The following CHRM3 variants were observed in gnomAD, a reference collection of about 807,000 sequenced individuals.
CHRM3 encodes the protein cholinergic receptor muscarinic 3.
CHRM3 carries 11 observed loss-of-function variants against 41.8 expected under a neutral mutation model. The observed-to-expected ratio is 0.26, with a 90% CI of 0.17 to 0.44. The LOEUF is 0.44. Ranked by LOEUF, CHRM3 falls within the 20% of genes least tolerant of loss-of-function variation. CHRM3 has a pLI of 1.00. For synonymous variants in CHRM3, 297 were observed against 301.4 expected (o/e 0.99, Z 0.15); for missense variants, 571 against 745.4 (o/e 0.77, Z 2.72).
intron 5 of CHRM3, among the ~76,000 whole-genome samples, chr1:239,779,629 G>C (rs1234402682): frequency 6.6e-6 from 1 of 152,312 alleles, no homozygotes. Context: ...CAGCTACTTG[G>C]GTGGCTGAGC....
intron 3 of CHRM3, among the ~76,000 whole-genome samples, chr1:239,548,099 C>G (rs76975348): frequency 6.6e-6 from 1 of 152,078 alleles, no homozygotes; most frequent in Non-Finnish European, 1.5e-5. Context: ...CTATATCAGA[C>G]GTACGCTTGT....
At chr1:239,785,348 G>A (rs1212006564) in intron 5 of CHRM3, among the ~76,000 whole-genome samples, 1 of 152,218 alleles carries the variant, frequency 6.6e-6, no homozygotes, top group Non-Finnish European at 1.5e-5. Flanking sequence ...ACCCGGTTAT[G>A]TGACTTCTTG....
At chr1:239,434,617 G>A (rs1200991363) in intron 1 of CHRM3, among the ~76,000 whole-genome samples, 4 of 152,172 alleles carry the variant, frequency 2.6e-5, no homozygotes, top group Non-Finnish European at 4.4e-5. Context: ...GGCATATTCA[G>A]TTCAAGTCAA....
intron 3 of CHRM3, among the ~76,000 whole-genome samples, chr1:239,604,626 T>G (rs896465320): frequency 1.3e-5 from 2 of 152,202 alleles, no homozygotes; most frequent in Non-Finnish European, 2.9e-5. Context: ...AGACCCTGGA[T>G]CTCTAGAGGC....
intron 2 of CHRM3, among the ~76,000 whole-genome samples, chr1:239,498,921 G>T (rs904780674): frequency 6.6e-6 from 1 of 152,080 alleles, no homozygotes; most frequent in African/African-American, 2.4e-5. Flanking sequence ...TATTTAGCAT[G>T]CTTCCTTTTT....
chr1:239,603,843 A>T (rs568153179), intron 3 of CHRM3, among the ~76,000 whole-genome samples: 1 of 152,216 alleles, frequency 6.6e-6, no homozygotes, highest in African/African-American at 2.4e-5. Context: ...TGTGGTAAAG[A>T]TTATTACTAT....
intron 3 of CHRM3, among the ~76,000 whole-genome samples, chr1:239,587,008 C>T (rs775270712): frequency 9.9e-5 from 15 of 152,208 alleles, no homozygotes; most frequent in African/African-American, 2.2e-4. Flanking sequence ...CTCCTACTAA[C>T]TCCTCAAGCC....
intron 5 of CHRM3, chr1:239,707,572 ACTT>A (rs1475680115): frequency 2.6e-5 from 4 of 152,168 alleles, no homozygotes; most frequent in African/African-American, 9.7e-5. Flanking sequence ...ACAATTCTAA[ACTT>A]CTTATGAAGA....
intron 4 of CHRM3, among the ~76,000 whole-genome samples, chr1:239,648,978 A>G (rs1671999832): frequency 6.6e-6 from 1 of 152,194 alleles, no homozygotes; most frequent in Non-Finnish European, 1.5e-5. Context: ...GTATACATAC[A>G]CACCCATCTA....
chr1:239,773,314 T>C (rs561240718), intron 5 of CHRM3, among the ~76,000 whole-genome samples: 3 of 152,350 alleles, frequency 2.0e-5, no homozygotes, highest in African/African-American at 7.2e-5. Context: ...AAGTTGACTT[T>C]ATAGCTATAT....
At chr1:239,417,693 A>C (rs185953924) in intron 1 of CHRM3, among the ~76,000 whole-genome samples, 71 of 151,592 alleles carry the variant, frequency 4.7e-4, no homozygotes, top group Middle Eastern at 6.8e-3. Flanking sequence ...ATCTCTTTCA[A>C]GTATTCTTAA....
In CHRM3 at chr1:239,679,360, C is replaced by T. The variant is rs561637443; in HGVS notation, c.-147+1072C>T. Reference sequence around the variant, plus strand: ...AAGTTTGGGAAATTGGGAAGTAGCACAGAGGATAATTAATCAGGTGTGAGC... The same window carrying T: ...AAGTTTGGGAAATTGGGAAGTAGCATAGAGGATAATTAATCAGGTGTGAGC... On this transcript the variant is annotated intron_variant, in intron 5 of 6. Coordinates refer to ENST00000676153, the MANE Select transcript of CHRM3 (RefSeq NM_001375978.1). 2.6e-5 allele frequency among the ~76,000 whole-genome samples: 4 copies of T among 152,206 alleles called. No individual in the cohort carries two copies. The South Asian group carries it at 6.2e-4, about 24-fold the overall frequency.
chr1:239,723,323 T>C (rs1270291685), intron 5 of CHRM3, among the ~76,000 whole-genome samples: 1 of 151,982 alleles, frequency 6.6e-6, no homozygotes, highest in Non-Finnish European at 1.5e-5. Context: ...TTCTAAAGTA[T>C]AATTAATTAT....
chr1:239,606,842 C>T (rs1053749606), intron 3 of CHRM3, among the ~76,000 whole-genome samples: 7 of 152,132 alleles, frequency 4.6e-5, no homozygotes, highest in African/African-American at 1.7e-4. Flanking sequence ...ATGGTCTCTT[C>T]TGTGCACCCA....
chr1:239,834,148 T>TCTCACACACACA (rs1553278786), intron 6 of CHRM3, among the ~76,000 whole-genome samples: 2 of 135,232 alleles, frequency 1.5e-5, no homozygotes, highest in Non-Finnish European at 1.6e-5. Flanking sequence ...TAATTCCACA[T>TCTCACACACACA]CACACACACA....
rs187461830 is a variant in CHRM3, at chr1:239,447,637, G to A, written c.-520-45072G>A. Among the ~76,000 whole-genome samples, 557 of 152,244 alleles carry A rather than the reference G, an allele frequency of 3.7e-3. 6 individuals carry two copies. The highest frequency in any genetic ancestry group is 0.013 in the African/African-American group (524 of 41,540). ...AAAAATACAAAAAACTTAGCCGGGC[G>A]TGGTGGCACATGCCTGTAATCCCAG... On this transcript the variant is annotated intron_variant, in intron 1 of 6. Transcript: ENST00000676153.
intron 1 of CHRM3, among the ~76,000 whole-genome samples, chr1:239,413,453 C>A (rs1661266893): frequency 6.6e-6 from 1 of 152,084 alleles, no homozygotes; most frequent in Non-Finnish European, 1.5e-5. Flanking sequence ...TTCCACCCGG[C>A]TAATTTTGTA....
At position 239,911,334 on chromosome 1, in the gene CHRM3, C is replaced by T. The variant is rs1295466585; in HGVS notation, c.*2110C>T. On this transcript the variant is annotated 3_prime_UTR_variant, in exon 7 of 7. Coordinates refer to ENST00000676153, the MANE Select transcript of CHRM3 (RefSeq NM_001375978.1). ...AACCAAAGAACAAGAAAGAAACAGA[C>T]GATTTTCTAATATGTACACAGCAAA... The T allele has an allele frequency of 6.0e-6, 1 of 166,340 alleles. No homozygotes were observed. Among genetic ancestry groups the T allele is most frequent in the Non-Finnish European group, 1.5e-5 (1 of 68,032 alleles). 10.3% of individuals were successfully genotyped at this position (166,340 alleles called of 1,614,324 possible). A position where few individuals can be genotyped will look rare whatever the true frequency, so the allele number is the denominator to read the frequency against.
intron 2 of CHRM3, among the ~76,000 whole-genome samples, chr1:239,502,677 A>T (rs888249736): frequency 1.3e-5 from 2 of 152,218 alleles, no homozygotes; most frequent in African/African-American, 4.8e-5. Flanking sequence ...TAGATGCTAA[A>T]ATCCTTAACA....
Sources: allele counts gnomAD v4.1 joint callset (sites outside exome capture counted in the v4.1 genomes callset), GRCh38; gene constraint gnomAD v4.1.1; transcripts MANE v1.5; gene names NCBI Gene and HGNC (gene_info 2026-07-23, HGNC 2026-07-21).